TTLL6: variants seen among roughly 807,000 people sequenced by gnomAD.
TTLL6 encodes tubulin polyglutamylase TTLL6.
A neutral mutation model predicts 96.4 loss-of-function variants in TTLL6; 75 were observed. The observed-to-expected ratio is 0.78, with a 90% CI of 0.65 to 0.94. The LOEUF (loss-of-function observed/expected upper bound fraction) is 0.94. Among genes scored for constraint, TTLL6 ranks in the 40% least tolerant of loss-of-function variants. TTLL6 has a pLI of 0.00. For missense variants in TTLL6, 1,030 were observed against 1,093.0 expected, an observed-to-expected ratio of 0.94 and a Z score of 0.81; for synonymous variants, 411 against 419.4, an observed-to-expected ratio of 0.98 and a Z score of 0.24.
At chr17:48,816,117 G>A (rs1356707678) in intron 1 of TTLL6, among the ~76,000 whole-genome samples, 4 of 152,058 alleles carry the variant, frequency 2.6e-5, no homozygotes, top group Non-Finnish European at 5.9e-5. Context: ...CCTTAAAGCA[G>A]TGCTTGGTTC....
chr17:48,788,724 C>G (rs997879346), intron 10 of TTLL6, among the ~76,000 whole-genome samples: 1 of 152,172 alleles, frequency 6.6e-6, no homozygotes, highest in Non-Finnish European at 1.5e-5. Flanking sequence ...GAAGTCAGTT[C>G]CCTTTCTGCA....
At chr17:48,793,280 T>G (rs2039259247) in intron 8 of TTLL6, among the ~76,000 whole-genome samples, 1 of 152,060 alleles carries the variant, frequency 6.6e-6, no homozygotes, top group African/African-American at 2.4e-5. Context: ...GGAGGAAAGA[T>G]GAACTCTGCC....
intron 6 of TTLL6, among the ~76,000 whole-genome samples, chr17:48,798,212 AG>A (rs2143422036): frequency 6.6e-6 from 1 of 152,302 alleles, no homozygotes; most frequent in East Asian, 1.9e-4. Flanking sequence ...TGTTGAGGCT[AG>A]GGGTTTAAGA....
chr17:48,805,079 T>G (rs1202793775), intron 1 of TTLL6, 88 bp from the exon 2 acceptor site: 2 of 1,082,424 alleles, frequency 1.8e-6, no homozygotes, highest in Non-Finnish European at 1.3e-6. Context: ...AGACCCAGGG[T>G]TCTAATTCAA....
chr17:48,769,239 G>C lies in TTLL6; in HGVS notation c.2426C>G (p.Pro809Arg). 1 of 1,601,476 alleles carries C rather than the reference G, an allele frequency of 6.2e-7. No homozygotes were observed. Among genetic ancestry groups the C allele is most frequent in the East Asian group, 2.2e-5 (1 of 44,626 alleles). ...MNNLSQNPSL[P>R]GECHSRSDSS... ...GTCACTGCGGGAGTGGCACTCCCCA[G>C]GCAGGGAGGGGTTTTCTGGAAAGGC... The change falls in exon 15 of 16, where the codon CCT becomes CGT. Residue 809 changes from proline to arginine, a missense_variant. By Grantham distance (103) the Pro-to-Arg change is moderately radical. Coordinates refer to ENST00000393382, the MANE Select transcript of TTLL6 (RefSeq NM_001130918.3).
intron 1 of TTLL6, among the ~76,000 whole-genome samples, chr17:48,810,784 T>TATATATATAGTAC (rs1192301320): frequency 1.1e-5 from 1 of 93,722 alleles, no homozygotes; most frequent in Non-Finnish European, 2.2e-5. Flanking sequence ...TATGTGTGTA[T>TATATATATAGTAC]ATATATATAG....
chr17:48,778,340 GAAGGA>G (rs2038921987), intron 13 of TTLL6, among the ~76,000 whole-genome samples: 1 of 76,768 alleles, frequency 1.3e-5, no homozygotes, highest in Non-Finnish European at 2.8e-5. Flanking sequence ...AGGGAGAAAG[GAAGGA>G]AGGAAGGAAG....
chr17:48,777,686 G>A (rs7207283), intron 13 of TTLL6, among the ~76,000 whole-genome samples: 45,628 of 150,474 alleles, frequency 0.3, 7,105 homozygotes, highest in Admixed American at 0.41. Context: ...AGCTGAGGTC[G>A]TGCCATTGCA....
intron 13 of TTLL6, among the ~76,000 whole-genome samples, chr17:48,774,091 C>CAAACAAAAAAAAAAAA: frequency 9.4e-6 from 1 of 106,450 alleles, no homozygotes; most frequent in African/African-American, 3.4e-5. Context: ...TCAAAAAAAA[C>CAAACAAAAAAAAAAAA]AAAACAAAAA....
rs1261346418 is a variant in TTLL6 at position 48,795,915 on chromosome 17, T to C, written c.998+146A>G. 8.2e-6 allele frequency: 5 copies of C among 610,350 alleles called. No individual in the cohort carries two copies. The Admixed American group carries it at 1.2e-4, about 15-fold the overall frequency. The allele number at this position is 610,350 out of a possible 1,614,324, so 37.8% of individuals were successfully genotyped here. ...AGGGCAGAGATGAAGGAATTTGTTC[T>C]GGGTTGCGAGGCAAAGGAGTATATT... is the stretch of plus-strand genomic sequence containing the variant. On this transcript the variant is annotated intron_variant, in intron 8 of 15. Coordinates refer to ENST00000393382, the MANE Select transcript of TTLL6 (RefSeq NM_001130918.3).
At chr17:48,792,306 C>T (rs567529607) in intron 8 of TTLL6, among the ~76,000 whole-genome samples, 5 of 152,286 alleles carry the variant, frequency 3.3e-5, no homozygotes, top group South Asian at 2.1e-4. Context: ...GGTACTCAGC[C>T]AGCTCTGAGC....
rs763876040 is a variant in TTLL6, at chr17:48,785,004, C to G, written c.1959G>C (p.Ser653=). The stretch of plus-strand genomic sequence containing the variant: ...AGTTGGGTTTACTGGGCTCCAACTT[C>G]GAGCTGCTGAGATTGATATTCCTCA... The part of the protein sequence containing the change: ...PDLRNINLSS[S]KLEPSKPNFS... Residue 653 remains serine, a synonymous_variant, in exon 13 of 16, where the codon TCG becomes TCC. Transcript: ENST00000393382. 2 of 1,614,080 alleles carry G rather than the reference C, an allele frequency of 1.2e-6. No homozygotes were observed. Among genetic ancestry groups the G allele is most frequent in the Non-Finnish European group, 1.7e-6 (2 of 1,180,040 alleles).
intron 13 of TTLL6, among the ~76,000 whole-genome samples, chr17:48,774,285 A>G (rs1597964459): frequency 9.2e-6 from 1 of 108,880 alleles, no homozygotes; most frequent in African/African-American, 3.7e-5. Context: ...CCCAGGGTGG[A>G]GTGCAGTGGC....
chr17:48,801,746 A>C (rs1276680800), intron 3 of TTLL6, 103 bp from the exon 4 acceptor site: 1 of 917,202 alleles, frequency 1.1e-6, no homozygotes, highest in African/African-American at 1.7e-5. Flanking sequence ...TGAAGCAAAA[A>C]ATCTCGGCTC....
At chr17:48,811,695 CTTTTTTT>C (rs34983566) in intron 1 of TTLL6, among the ~76,000 whole-genome samples, 1 of 119,016 alleles carries the variant, frequency 8.4e-6, no homozygotes, top group Non-Finnish European at 1.7e-5. Flanking sequence ...GAGCAGAAAG[CTTTTTTT>C]TTTTTTTTTT....
Position 48,787,877 on chromosome 17 carries a change from AACTTCTCAT to A in TTLL6, c.1514_1522del (p.Tyr505_Lys507del), listed in dbSNP as rs761743188. 7.4e-6 allele frequency: 12 copies of A among 1,613,988 alleles called. No homozygotes were observed. The African/African-American group carries it at 1.2e-4, about 16-fold the overall frequency. On this transcript the variant is annotated inframe_deletion, in exon 11 of 16. Transcript: ENST00000393382. ...GAAGAGGGAGTTGTTGTCCTGGAAA[AACTTCTCAT>A]ACTTCTCCGAATTCAGACTGGGATA...
Position 48,790,066 on chromosome 17 carries a change from T to C in TTLL6, c.1265A>G (p.Asp422Gly), listed in dbSNP as rs878927649. The C allele has an allele frequency of 1.9e-6, 3 of 1,614,014 alleles. No individual in the cohort carries two copies. The highest frequency in any genetic ancestry group is 2.5e-6 in the Non-Finnish European group (3 of 1,180,004). ...SPSFSTDSRL[D>G]KEVKDGLLYD... ...CAGCAGACCATCTTTCACCTCTTTA[T>C]CCAACCGAGAGTCGGTGGAGAAGCT... Residue 422 changes from aspartate to glycine, a missense_variant, in exon 10 of 16, where the codon GAT becomes GGT. By Grantham distance (94) the Asp-to-Gly change is moderately conservative. Coordinates refer to ENST00000393382, the MANE Select transcript of TTLL6 (RefSeq NM_001130918.3).
In TTLL6 at chr17:48,787,868, T is replaced by C. The variant is rs757213987; in HGVS notation, c.1532A>G (p.Asp511Gly). ...AGTATTCTGGAAGAGGGAGTTGTTG[T>C]CCTGGAAAAACTTCTCATACTTCTC... ...NSEKYEKFFQ[D>G]NNSLFQNTVA... is the part of the protein sequence containing the mutation. Residue 511 changes from aspartate (D) to glycine (G), a missense_variant, in exon 11 of 16, where the codon GAC (aspartate) becomes GGC (glycine). By Grantham distance (94) the Asp-to-Gly change is moderately conservative (BLOSUM62 -1). Coordinates refer to ENST00000393382, the MANE Select transcript of TTLL6 (RefSeq NM_001130918.3). The C allele has an allele frequency of 1.9e-6, 3 of 1,614,214 alleles. No individual in the cohort carries two copies. Among genetic ancestry groups the C allele is most frequent in the Non-Finnish European group, 2.5e-6 (3 of 1,180,040 alleles).
chr17:48,773,470 C>G (rs1405503898), intron 13 of TTLL6, among the ~76,000 whole-genome samples: 3 of 152,122 alleles, frequency 2.0e-5, no homozygotes, highest in Non-Finnish European at 4.4e-5. Context: ...GCCTATAATC[C>G]CAGCACTTTG....
Sources: allele counts gnomAD v4.1 joint callset (sites outside exome capture counted in the v4.1 genomes callset), GRCh38; gene constraint gnomAD v4.1.1; transcripts MANE v1.5; gene names NCBI Gene and HGNC (gene_info 2026-07-23, HGNC 2026-07-21).